Variants in UBE2W observed in about 807,000 individuals in gnomAD.
The protein encoded by UBE2W is ubiquitin conjugating enzyme E2 W, also known as ubiquitin-conjugating enzyme E2 W.
Under a neutral mutation model 27.2 loss-of-function variants are expected in UBE2W, and 18 were observed. The ratio of observed to expected loss-of-function variants is 0.66; its 90% CI spans 0.46 to 0.98. The LOEUF is 0.98. UBE2W is among the 50% of genes least tolerant of loss of function. UBE2W has a pLI of 0.00. For missense variants in UBE2W, 90 were observed against 180.2 expected, an observed-to-expected ratio of 0.50 and a Z score of 2.87; for synonymous variants, 53 against 57.2, an observed-to-expected ratio of 0.93 and a Z score of 0.33.
chr8:73,812,224 A>T (rs1038544927), intron 3 of UBE2W, among the ~76,000 whole-genome samples: 12 of 150,008 alleles, frequency 8.0e-5, no homozygotes, highest in East Asian at 3.9e-4. Context: ...CCACTAATAA[A>T]AAAAAAAAAA....
intron 1 of UBE2W, among the ~76,000 whole-genome samples, chr8:73,874,153 C>T (rs1003506648): frequency 1.3e-4 from 20 of 152,122 alleles, no homozygotes; most frequent in South Asian, 2.1e-4. Flanking sequence ...AAAACACGGC[C>T]GGGCGCGGTG....
At chr8:73,786,019 C>G (rs1807943773), downstream of UBE2W, among the ~76,000 whole-genome samples, 1 of 152,124 alleles carries the variant, frequency 6.6e-6, no homozygotes, top group African/African-American at 2.4e-5. Context: ...AGATATATAC[C>G]TCATCTGCCA....
intron 3 of UBE2W, among the ~76,000 whole-genome samples, chr8:73,814,245 A>C (rs982607963): frequency 4.6e-5 from 7 of 152,166 alleles, no homozygotes; most frequent in African/African-American, 1.4e-4. Context: ...GGTTCAAAAA[A>C]ATTTTTTTGG....
rs1455207919 is a variant in UBE2W, at chr8:73,810,471, T to C, written c.366+3A>G. Reference sequence around the variant, plus strand: ...TATCTGGAATAATTCTGAAAAGTCTTACCTTTTCCTTGCAGCTGGAAAGCA... The same window carrying C: ...TATCTGGAATAATTCTGAAAAGTCTCACCTTTTCCTTGCAGCTGGAAAGCA... On this transcript the variant is annotated splice_donor_region_variant and intron_variant, in intron 4 of 5. Transcript: ENST00000602593. The C allele has an allele frequency of 2.5e-6, 4 of 1,608,450 alleles. No homozygotes were observed. The African/African-American group carries it at 5.4e-5, about 22-fold the overall frequency.
chr8:73,850,122 T>C (rs953518373), intron 1 of UBE2W, among the ~76,000 whole-genome samples: 2 of 152,014 alleles, frequency 1.3e-5, no homozygotes, highest in African/African-American at 4.8e-5. Flanking sequence ...AGTCAAAAGT[T>C]AAGAATAGAC....
chr8:73,852,855 T>C (rs1466235348), intron 1 of UBE2W, among the ~76,000 whole-genome samples: 1 of 152,204 alleles, frequency 6.6e-6, no homozygotes, highest in African/African-American at 2.4e-5. Flanking sequence ...ATGTAAACTA[T>C]GTATTAGTAT....
At chr8:73,823,613 A>G (rs1809711269) in intron 3 of UBE2W, among the ~76,000 whole-genome samples, 1 of 152,244 alleles carries the variant, frequency 6.6e-6, no homozygotes. Flanking sequence ...AGTGATGACA[A>G]TCTTCTGGAG....
At chr8:73,855,929 T>C (rs1811279527) in intron 1 of UBE2W, among the ~76,000 whole-genome samples, 1 of 152,094 alleles carries the variant, frequency 6.6e-6, no homozygotes. Context: ...TTATTGAGAG[T>C]CTTTTTACAT....
Position 73,793,282 on chromosome 8 carries a change from G to A in UBE2W, c.*820C>T. 1.0e-6 allele frequency: 1 copy of A among 985,798 alleles called. No individual in the cohort carries two copies. Among genetic ancestry groups the A allele is most frequent in the Non-Finnish European group, 1.2e-6 (1 of 829,910 alleles). 61.1% of individuals were successfully genotyped at this position (985,798 alleles called of 1,614,324 possible). A position where few individuals can be genotyped will look rare whatever the true frequency, so the allele number is the denominator to read the frequency against. Reference sequence around the variant, plus strand: ...TAACAAGCCCAAATTATGGACTGCAGCAATTTAATCATCACTGCCATTTTT... The same window carrying A: ...TAACAAGCCCAAATTATGGACTGCAACAATTTAATCATCACTGCCATTTTT... On this transcript the variant is annotated 3_prime_UTR_variant, in exon 6 of 6. Transcript: ENST00000602593.
chr8:73,851,967 A>T (rs1465184255), intron 1 of UBE2W, among the ~76,000 whole-genome samples: 1 of 146,672 alleles, frequency 6.8e-6, no homozygotes, highest in African/African-American at 2.7e-5. Flanking sequence ...TTTTTTTAAA[A>T]AAAAAAAAAA....
intron 5 of UBE2W, among the ~76,000 whole-genome samples, chr8:73,803,087 C>T (rs549504436): frequency 4.0e-5 from 6 of 151,484 alleles, no homozygotes; most frequent in East Asian, 1.9e-4. Context: ...CATGGTGGCG[C>T]GCCTGTAATC....
intron 1 of UBE2W, among the ~76,000 whole-genome samples, chr8:73,877,871 C>T (rs1812299327): frequency 6.6e-6 from 1 of 152,094 alleles, no homozygotes; most frequent in Admixed American, 6.5e-5. Context: ...CCACAACTCC[C>T]TAGATTCGGG....
Position 73,793,157 on chromosome 8 carries a change from T to C in UBE2W, c.*945A>G. 1 of 985,776 alleles carries C rather than the reference T, an allele frequency of 1.0e-6. No individual in the cohort carries two copies. The highest frequency in any genetic ancestry group is 1.2e-6 in the Non-Finnish European group (1 of 829,880). 61.1% of individuals were successfully genotyped at this position (985,776 alleles called of 1,614,324 possible). A position where few individuals can be genotyped will look rare whatever the true frequency, so the allele number is the denominator to read the frequency against. Reference sequence around the variant, plus strand: ...AAAATGTTTACGGGGTTTCCAAACATAAATAAATGAAATAGTGTTTAGGCA... The same window carrying C: ...AAAATGTTTACGGGGTTTCCAAACACAAATAAATGAAATAGTGTTTAGGCA... On this transcript the variant is annotated 3_prime_UTR_variant, in exon 6 of 6. Transcript: ENST00000602593.
intron 1 of UBE2W, among the ~76,000 whole-genome samples, chr8:73,847,128 C>T (rs1019531001): frequency 2.0e-5 from 3 of 152,172 alleles, no homozygotes; most frequent in African/African-American, 7.2e-5. Flanking sequence ...AAGATTGCGC[C>T]ACCGCATTCC....
chr8:73,853,605 A>G lies in UBE2W; in HGVS notation c.16-23133T>C, dbSNP rs1811166011. Among the ~76,000 whole-genome samples the G allele has an allele frequency of 2.0e-5, 3 of 152,276 alleles. 1 individual carries two copies. In the South Asian group the frequency reaches 6.2e-4, roughly 32 times the overall value. ...GGAAACTCAATCTCTGATTTGTAGG[A>G]GTGTATAATACATGCAACTTTGGAT... On this transcript the variant is annotated intron_variant, in intron 1 of 5. Coordinates refer to ENST00000602593, the MANE Select transcript of UBE2W (RefSeq NM_018299.6).
At chr8:73,876,143 G>A (rs536503501) in intron 1 of UBE2W, among the ~76,000 whole-genome samples, 33 of 151,744 alleles carry the variant, frequency 2.2e-4, no homozygotes, top group Non-Finnish European at 4.1e-4. Context: ...AAATCCATGA[G>A]GGCAGAAATC....
rs1370263012 is a variant in UBE2W at position 73,790,515 on chromosome 8, A to C, written c.*3587T>G. 1.0e-6 allele frequency: 1 copy of C among 984,134 alleles called. No homozygotes were observed. Among genetic ancestry groups the C allele is most frequent in the African/African-American group, 1.7e-5 (1 of 57,222 alleles). The allele number at this position is 984,134 out of a possible 1,614,324, so 61.0% of individuals were successfully genotyped here. A position where few individuals can be genotyped will look rare whatever the true frequency, so the allele number is the denominator to read the frequency against. On this transcript the variant is annotated 3_prime_UTR_variant, in exon 6 of 6. Coordinates refer to ENST00000602593, the MANE Select transcript of UBE2W (RefSeq NM_018299.6). ...CAATTTACATACACAATTACAAATA[A>C]TTGTAAATTTTAAGCATTCAGCTAA...
In UBE2W at chr8:73,793,275, G is replaced by C; in HGVS notation, c.*827C>G. On this transcript the variant is annotated 3_prime_UTR_variant, in exon 6 of 6. Coordinates refer to ENST00000602593, the MANE Select transcript of UBE2W (RefSeq NM_018299.6). ...GTACAAATAACAAGCCCAAATTATG[G>C]ACTGCAGCAATTTAATCATCACTGC... 1 of 985,734 alleles carries C rather than the reference G, an allele frequency of 1.0e-6. No homozygotes were observed. Among genetic ancestry groups the C allele is most frequent in the East Asian group, 1.1e-4 (1 of 8,816 alleles). 61.1% of individuals were successfully genotyped at this position (985,734 alleles called of 1,614,324 possible). A position where few individuals can be genotyped will look rare whatever the true frequency, so the allele number is the denominator to read the frequency against.
Position 73,790,627 on chromosome 8 carries a change from CTTTA to C in UBE2W, c.*3471_*3474del. 3 of 984,942 alleles carry C rather than the reference CTTTA, an allele frequency of 3.0e-6. No homozygotes were observed. The highest frequency in any genetic ancestry group is 3.6e-6 in the Non-Finnish European group (3 of 829,526). The allele number at this position is 984,942 out of a possible 1,614,324, so 61.0% of individuals were successfully genotyped here. A position where few individuals can be genotyped will look rare whatever the true frequency, so the allele number is the denominator to read the frequency against. ...GGCTTAGAACTAGTGACACTGAATTCTTTATTTAAAAAAATTTTTGTAACACACA... is the reference window on the plus strand; with the variant it reads ...GGCTTAGAACTAGTGACACTGAATTCTTTAAAAAAATTTTTGTAACACACA... On this transcript the variant is annotated 3_prime_UTR_variant, in exon 6 of 6. Transcript: ENST00000602593.
Sources: allele counts gnomAD v4.1 joint callset (sites outside exome capture counted in the v4.1 genomes callset), GRCh38; gene constraint gnomAD v4.1.1; transcripts MANE v1.5; gene names NCBI Gene and HGNC (gene_info 2026-07-23, HGNC 2026-07-21).